The following ICE1 variants were observed in gnomAD, a reference collection of about 807,000 sequenced individuals.
The protein encoded by ICE1 is interactor of little elongation complex ELL subunit 1.
A neutral mutation model predicts 192.7 loss-of-function variants in ICE1; 64 were observed. The observed-to-expected ratio is 0.33, with a 90% CI of 0.27 to 0.41. The LOEUF (loss-of-function observed/expected upper bound fraction) is 0.41. Among genes scored for constraint, ICE1 ranks in the 10% least tolerant of loss-of-function variants. The pLI is 1.00. For synonymous variants in ICE1, 1,010 were observed against 984.5 expected, an observed-to-expected ratio of 1.03 and a Z score of -0.49; for missense variants, 2,708 against 2,696.0, an observed-to-expected ratio of 1.00 and a Z score of -0.10.
chr5:5,468,406 A>G (rs1348136701), intron 14 of ICE1, among the ~76,000 whole-genome samples: 2 of 151,826 alleles, frequency 1.3e-5, no homozygotes, highest in Non-Finnish European at 2.9e-5. Flanking sequence ...CTACACTTCA[A>G]TTAATTTTTA....
chr5:5,443,589 T>G (rs1244022987), intron 6 of ICE1, among the ~76,000 whole-genome samples: 2 of 152,240 alleles, frequency 1.3e-5, no homozygotes, highest in Non-Finnish European at 2.9e-5. Context: ...TAATGCATTA[T>G]GTACTCATTC....
chr5:5,451,231 G>A (rs1738405629), intron 10 of ICE1, among the ~76,000 whole-genome samples: 1 of 152,016 alleles, frequency 6.6e-6, no homozygotes, highest in African/African-American at 2.4e-5. Context: ...GTAAACAGTA[G>A]GGCAATATTT....
At chr5:5,431,289 C>G (rs1342728542) in intron 1 of ICE1, among the ~76,000 whole-genome samples, 2 of 152,128 alleles carry the variant, frequency 1.3e-5, no homozygotes, top group Non-Finnish European at 2.9e-5. Flanking sequence ...AAATGCATGT[C>G]CAAAAATAAC....
chr5:5,442,705 C>T (rs1348884223), intron 5 of ICE1, among the ~76,000 whole-genome samples: 1 of 152,200 alleles, frequency 6.6e-6, no homozygotes, highest in Non-Finnish European at 1.5e-5. Context: ...CTAGAACTCT[C>T]AATAACAGTG....
rs771488560 is a variant in ICE1 at position 5,464,807 on chromosome 5, T to C, written c.5473T>C (p.Leu1825=). The C allele has an allele frequency of 5.6e-6, 9 of 1,613,702 alleles. No individual in the cohort carries two copies. The highest frequency in any genetic ancestry group is 5.9e-6 in the Non-Finnish European group (7 of 1,179,772). ...GDCNQDKSRD[L]GTQQDSSGKR... ...CTGTAACCAAGACAAGTCAAGAGAT[T>C]TGGGGACTCAGCAGGATTCAAGCGG... The change falls in exon 13 of 19, where the codon TTG becomes CTG. Residue 1825 remains leucine (L), a synonymous_variant. Transcript: ENST00000296564. This position sits in a 1 kb window ranked among gnomAD's most constrained non-coding sequence, Gnocchi z 4.0.
chr5:5,447,732 C>A lies in ICE1; in HGVS notation c.519C>A (p.Asp173Glu), dbSNP rs773895516. The A allele has an allele frequency of 4.4e-6, 7 of 1,583,058 alleles. No homozygotes were observed. In the South Asian group the frequency reaches 8.1e-5, roughly 18 times the overall value. Residue 173 changes from aspartate to glutamate, a missense_variant, in exon 9 of 19, where the codon GAC becomes GAA. Physicochemically the swap from Asp to Glu is conservative, Grantham distance 45. Coordinates refer to ENST00000296564, the MANE Select transcript of ICE1 (RefSeq NM_015325.3). The stretch of plus-strand genomic sequence containing the variant: ...TTTTGTTTTCACAGGAAAGGCTTGA[C>A]GAATTTTCTAAACAGAAAAATGAAA... ...KEFKKTQERL[D>E]EFSKQKNEKE...
At chr5:5,484,968 C>G (rs1455871991) in intron 17 of ICE1, among the ~76,000 whole-genome samples, 3 of 152,092 alleles carry the variant, frequency 2.0e-5, no homozygotes, top group African/African-American at 7.2e-5. Context: ...GAACAGGATT[C>G]CACTTTGAAG....
chr5:5,436,867 A>G (rs756759898), intron 2 of ICE1, among the ~76,000 whole-genome samples: 15 of 152,190 alleles, frequency 9.9e-5, no homozygotes, highest in African/African-American at 1.7e-4. Flanking sequence ...GAGCCAAGAT[A>G]CTACTCAGAT....
rs747432258 is a variant in ICE1, at chr5:5,464,287, T to A, written c.4953T>A (p.Ser1651=). The A allele has an allele frequency of 2.0e-5, 32 of 1,613,466 alleles. No individual in the cohort carries two copies. Among genetic ancestry groups the A allele is most frequent in the African/African-American group, 2.7e-5 (2 of 74,790 alleles). ...CTCCAAGGACTTCACAGCCACTGTC[T>A]CCACTGATATCGAGTTCTAGTCCTT... ...ATPPRTSQPL[S]PLISSSSPSS... is the part of the protein sequence containing the mutation. Residue 1651 remains serine (S), a synonymous_variant, in exon 13 of 19, where the codon TCT becomes TCA. Transcript: ENST00000296564. The surrounding 1 kb of genome is among the most constrained non-coding windows in gnomAD (Gnocchi z 4.0).
chr5:5,455,064 A>G (rs186831172), intron 11 of ICE1, among the ~76,000 whole-genome samples: 4 of 152,342 alleles, frequency 2.6e-5, no homozygotes, highest in Non-Finnish European at 4.4e-5. Context: ...TCACAGTTAT[A>G]GTCGATTTAG....
At chr5:5,427,228 G>A (rs757912567) in intron 1 of ICE1, among the ~76,000 whole-genome samples, 8 of 151,996 alleles carry the variant, frequency 5.3e-5, no homozygotes, top group South Asian at 2.1e-4. Context: ...GTTTTGTTAC[G>A]CTCATTGATT....
At chr5:5,483,380 C>T (rs1395438542) in intron 17 of ICE1, among the ~76,000 whole-genome samples, 2 of 152,188 alleles carry the variant, frequency 1.3e-5, no homozygotes, top group African/African-American at 4.8e-5. Context: ...GTCAGTGAGA[C>T]TTGCGTTATC....
chr5:5,437,173 A>G, intron 3 of ICE1, 59 bp downstream of exon 3: 3 of 1,316,488 alleles, frequency 2.3e-6, no homozygotes, highest in Non-Finnish European at 3.2e-6. Context: ...TTAATTCCTG[A>G]AAGAGATGTG....
At chr5:5,474,398 A>G (rs924919421) in intron 16 of ICE1, among the ~76,000 whole-genome samples, 40 of 152,188 alleles carry the variant, frequency 2.6e-4, no homozygotes, top group Admixed American at 2.1e-3. Flanking sequence ...CATGCGGAAC[A>G]GTGCCCACAC....
chr5:5,482,497 G>A (rs903035088), intron 17 of ICE1, among the ~76,000 whole-genome samples: 3 of 152,204 alleles, frequency 2.0e-5, no homozygotes, highest in South Asian at 2.1e-4. Flanking sequence ...TGATGAAGTC[G>A]TGTGCATGAG....
intron 10 of ICE1, among the ~76,000 whole-genome samples, chr5:5,454,162 A>T (rs993453023): frequency 2.5e-4 from 38 of 152,310 alleles, no homozygotes; most frequent in African/African-American, 8.7e-4. Context: ...CAGATCCCTT[A>T]TCAGTTATTA....
intron 3 of ICE1, 40 bp from the exon 4 acceptor site, chr5:5,439,855 A>G (rs1199939403): frequency 3.5e-6 from 5 of 1,427,210 alleles, no homozygotes. Flanking sequence ...GAGAAGTATC[A>G]GAAGATAAAA....
rs1344438043 is a variant in ICE1 at position 5,422,852 on chromosome 5, C to A, written c.-64C>A. The A allele has an allele frequency of 1.7e-6, 2 of 1,188,954 alleles. No homozygotes were observed. The highest frequency in any genetic ancestry group is 3.2e-5 in the African/African-American group (2 of 62,622). The allele number at this position is 1,188,954 out of a possible 1,614,324, so 73.7% of individuals were successfully genotyped here. A position where few individuals can be genotyped will look rare whatever the true frequency, so the allele number is the denominator to read the frequency against. ...GCGGCCCCGGCGGCATCAGCAGAGA[C>A]AGGACGGGGCCGACGCCGCGGGCCC... On this transcript the variant is annotated 5_prime_UTR_variant, in exon 1 of 19. Transcript: ENST00000296564.
At chr5:5,450,523 A>G (rs570520327) in intron 10 of ICE1, among the ~76,000 whole-genome samples, 13 of 152,268 alleles carry the variant, frequency 8.5e-5, no homozygotes, top group Admixed American at 8.5e-4. Flanking sequence ...GACATGACAG[A>G]AGGGAACTTT....
Sources: gnomAD v4.1 joint callset for allele counts (sites outside exome capture counted in the v4.1 genomes callset) on GRCh38, gnomAD v4.1.1 for gene constraint, Gnocchi (gnomAD v3.1) non-coding constraint, MANE v1.5 for transcripts, NCBI Gene and HGNC (gene_info 2026-07-23, HGNC 2026-07-21) for gene names.